The following SHISA9 variants were observed in gnomAD, a reference collection of about 807,000 sequenced individuals.
The protein encoded by SHISA9 is shisa family member 9.
Under a neutral mutation model 38.0 loss-of-function variants are expected in SHISA9, and 13 were observed. The observed-to-expected ratio is 0.34, with a 90% confidence interval of 0.22 to 0.54. The LOEUF is 0.54. SHISA9 is among the 20% of genes least tolerant of loss of function. SHISA9 has a pLI of 0.91. For synonymous variants in SHISA9, 275 were observed against 242.0 expected (o/e 1.14, Z -1.27); for missense variants, 538 against 575.8 (o/e 0.93, Z 0.67).
At chr16:13,339,142 C>T in the SHISA9 span, among the ~76,000 whole-genome samples, 5 of 148,516 alleles carry the variant, frequency 3.4e-5, no homozygotes, top group Non-Finnish European at 5.9e-5. Context: ...CAGAAAATAC[C>T]GGAGCTCAAT....
chr16:13,424,586 A>G, the SHISA9 span, among the ~76,000 whole-genome samples: 1 of 152,224 alleles, frequency 6.6e-6, no homozygotes, highest in African/African-American at 2.4e-5. Flanking sequence ...AGTCCAAATC[A>G]TATCCCGTCA....
the SHISA9 span, among the ~76,000 whole-genome samples, chr16:13,253,892 T>A: frequency 6.6e-6 from 1 of 152,204 alleles, no homozygotes; most frequent in African/African-American, 2.4e-5. Context: ...AAATAAGACA[T>A]TACTGAAGGT....
At chr16:12,991,401 TAG>T (rs550752820) in intron 2 of SHISA9, among the ~76,000 whole-genome samples, 2 of 152,100 alleles carry the variant, frequency 1.3e-5, no homozygotes, top group Non-Finnish European at 2.9e-5. Context: ...CTGTCAGATA[TAG>T]AGAGGTCATT....
At chr16:12,972,365 A>G (rs1195931666) in intron 2 of SHISA9, among the ~76,000 whole-genome samples, 4 of 152,174 alleles carry the variant, frequency 2.6e-5, no homozygotes, top group African/African-American at 9.7e-5. Flanking sequence ...GCAAGTCCTA[A>G]AACCAAATGA....
chr16:13,497,168 A>G, the SHISA9 span, among the ~76,000 whole-genome samples: 1 of 152,200 alleles, frequency 6.6e-6, no homozygotes, highest in Non-Finnish European at 1.5e-5. Context: ...ATTGACAAAT[A>G]ATAATTGTAT....
chr16:13,319,941 T>C, the SHISA9 span, among the ~76,000 whole-genome samples: 1 of 152,122 alleles, frequency 6.6e-6, no homozygotes, highest in Non-Finnish European at 1.5e-5. Context: ...AAATCTGCAA[T>C]TATAATCATT....
the SHISA9 span, among the ~76,000 whole-genome samples, chr16:13,554,064 A>G: frequency 6.6e-6 from 1 of 152,146 alleles, no homozygotes; most frequent in Non-Finnish European, 1.5e-5. Context: ...TTGGGGGGAA[A>G]GTAAAAAGTA....
At chr16:13,354,668 A>G in the SHISA9 span, among the ~76,000 whole-genome samples, 2 of 151,416 alleles carry the variant, frequency 1.3e-5, no homozygotes, top group Admixed American at 1.3e-4. Flanking sequence ...CGCACACATG[A>G]GGGCTAGGCT....
intron 2 of SHISA9, among the ~76,000 whole-genome samples, chr16:12,934,766 C>T (rs1457356387): frequency 6.6e-6 from 1 of 152,210 alleles, no homozygotes; most frequent in Non-Finnish European, 1.5e-5. Context: ...TTCCTCTCCT[C>T]TCTGTACCCT....
chr16:13,296,517 G>A, the SHISA9 span, among the ~76,000 whole-genome samples: 1 of 151,848 alleles, frequency 6.6e-6, no homozygotes, highest in South Asian at 2.1e-4. Flanking sequence ...CATTCTGTCT[G>A]TGGATTGACG....
intron 4 of SHISA9, among the ~76,000 whole-genome samples, chr16:13,216,483 C>T (rs2051170421): frequency 1.3e-5 from 2 of 152,204 alleles, no homozygotes; most frequent in African/African-American, 4.8e-5. Context: ...AAATTAAAGG[C>T]TCTGAAAAGC....
chr16:13,324,051 C>T, the SHISA9 span, among the ~76,000 whole-genome samples: 1 of 152,196 alleles, frequency 6.6e-6, no homozygotes, highest in African/African-American at 2.4e-5. Flanking sequence ...ACCCCTTCCT[C>T]TCTCTCTTGC....
chr16:13,320,145 G>C, the SHISA9 span, among the ~76,000 whole-genome samples: 1 of 151,632 alleles, frequency 6.6e-6, no homozygotes, highest in African/African-American at 2.4e-5. Context: ...ACAAAAATTA[G>C]CCTGGCGTGG....
At chr16:13,528,739 C>A in the SHISA9 span, among the ~76,000 whole-genome samples, 1 of 152,166 alleles carries the variant, frequency 6.6e-6, no homozygotes, top group Admixed American at 6.5e-5. Flanking sequence ...CCTAAAATCC[C>A]TAATTAATTG....
At chr16:13,469,727 T>C in the SHISA9 span, among the ~76,000 whole-genome samples, 1 of 152,102 alleles carries the variant, frequency 6.6e-6, no homozygotes, top group Non-Finnish European at 1.5e-5. Flanking sequence ...AGATTAATTA[T>C]GCTAATCAGC....
At chr16:13,342,968 C>G in the SHISA9 span, among the ~76,000 whole-genome samples, 1 of 152,190 alleles carries the variant, frequency 6.6e-6, no homozygotes, top group African/African-American at 2.4e-5. Flanking sequence ...TCTCAAAGAT[C>G]TCAAAGATCT....
chr16:13,264,170 CTTTTTT>C, the SHISA9 span, among the ~76,000 whole-genome samples: 1 of 124,342 alleles, frequency 8.0e-6, no homozygotes. Context: ...TGTTTTAAAT[CTTTTTT>C]TTTTTTTTTT....
At chr16:13,205,696 C>T (rs2051057021) in intron 3 of SHISA9, among the ~76,000 whole-genome samples, 2 of 152,126 alleles carry the variant, frequency 1.3e-5, no homozygotes, top group African/African-American at 4.8e-5. Context: ...TTCTAGTAGC[C>T]CCATGGATGA....
the SHISA9 span, among the ~76,000 whole-genome samples, chr16:13,290,254 G>A: frequency 6.6e-6 from 1 of 151,956 alleles, no homozygotes; most frequent in African/African-American, 2.4e-5. Context: ...TTCATTTATG[G>A]AAGATAGCCA....
Sources: allele counts gnomAD v4.1 joint callset (sites outside exome capture counted in the v4.1 genomes callset), GRCh38; gene constraint gnomAD v4.1.1; transcripts MANE v1.5; gene names NCBI Gene and HGNC (gene_info 2026-07-23, HGNC 2026-07-21).